URI1: variants seen among roughly 807,000 people sequenced by gnomAD.
URI1 encodes URI1 prefoldin like chaperone.
In URI1, 39 loss-of-function variants were observed where a neutral mutation model predicts 60.2. The observed-to-expected ratio is 0.65, with a 90% CI of 0.50 to 0.85. The LOEUF (loss-of-function observed/expected upper bound fraction) is 0.85. Ranked by LOEUF, URI1 falls within the 40% of genes least tolerant of loss-of-function variation. URI1 has a pLI of 0.00. For synonymous variants in URI1, 251 were observed against 236.8 expected, an observed-to-expected ratio of 1.06 and a Z score of -0.55; for missense variants, 691 against 665.9, an observed-to-expected ratio of 1.04 and a Z score of -0.42.
chr19:30,012,222 A>G, intron 9 of URI1, 63 bp from the exon 10 acceptor site: 1 of 1,497,276 alleles, frequency 6.7e-7, no homozygotes, highest in Admixed American at 2.4e-5. Context: ...GAAATTTTCA[A>G]AAAGTTGTTC....
In URI1 at chr19:30,005,213, A is replaced by AAT; in HGVS notation, c.368-147_368-146insTA. ...CAAAAATACACAGTATAACTTATTA[A>AAT]AAGTCCATTTAAAAGGAAAATAGTG... On this transcript the variant is annotated intron_variant, in intron 4 of 10. Coordinates refer to ENST00000392271, the MANE Select transcript of URI1 (RefSeq NM_003796.3). The AAT allele has an allele frequency of 9.3e-6, 5 of 538,992 alleles. No individual in the cohort carries two copies. In the South Asian group the frequency reaches 1.3e-4, roughly 14 times the overall value. 33.4% of individuals were successfully genotyped at this position (538,992 alleles called of 1,614,324 possible). A position where few individuals can be genotyped will look rare whatever the true frequency, so the allele number is the denominator to read the frequency against.
chr19:29,958,814 G>GCT (rs2055283878), intron 1 of URI1, among the ~76,000 whole-genome samples: 1 of 151,926 alleles, frequency 6.6e-6, no homozygotes, highest in South Asian at 2.1e-4. Flanking sequence ...ACAAAAATAA[G>GCT]CTGGGTGTGG....
upstream of URI1, among the ~76,000 whole-genome samples, chr19:29,939,978 C>A (rs1360155638): frequency 6.6e-6 from 1 of 152,156 alleles, no homozygotes; most frequent in South Asian, 2.1e-4. Flanking sequence ...ACTGACATGA[C>A]CTGATCCCCT....
At chr19:29,974,786 A>G (rs1239175913) in intron 2 of URI1, among the ~76,000 whole-genome samples, 3 of 152,020 alleles carry the variant, frequency 2.0e-5, no homozygotes. Context: ...TCCCATCTTT[A>G]TGTCCATGTG....
At chr19:29,963,534 ATGTT>A (rs1457897910) in intron 1 of URI1, among the ~76,000 whole-genome samples, 1 of 151,912 alleles carries the variant, frequency 6.6e-6, no homozygotes, top group African/African-American at 2.4e-5. Context: ...ATTAATCATT[ATGTT>A]TGTTAACACC....
intron 4 of URI1, among the ~76,000 whole-genome samples, chr19:29,990,282 A>G (rs1026896102): frequency 4.6e-5 from 7 of 152,258 alleles, no homozygotes; most frequent in African/African-American, 1.7e-4. Flanking sequence ...TGGAACCCTC[A>G]TTCATTGCTG....
At chr19:29,966,572 G>A (rs2055393893) in intron 1 of URI1, among the ~76,000 whole-genome samples, 1 of 152,100 alleles carries the variant, frequency 6.6e-6, no homozygotes, top group Admixed American at 6.6e-5. Flanking sequence ...TGTAATTTTT[G>A]TAAATTTTGT....
At chr19:29,956,589 A>G in intron 1 of URI1, 3 of 1,507,572 alleles carry the variant, frequency 2.0e-6, no homozygotes, top group Non-Finnish European at 2.8e-6. Context: ...GAGGTACTGA[A>G]CAGGCAACAC....
At chr19:29,977,331 C>A (rs2055536216) in intron 2 of URI1, among the ~76,000 whole-genome samples, 2 of 151,934 alleles carry the variant, frequency 1.3e-5, no homozygotes, top group South Asian at 2.1e-4. Context: ...AAACTGTTTT[C>A]TTGAGTTGCC....
At chr19:29,999,229 A>G (rs561462234) in intron 4 of URI1, among the ~76,000 whole-genome samples, 1 of 152,224 alleles carries the variant, frequency 6.6e-6, no homozygotes, top group South Asian at 2.1e-4. Flanking sequence ...CCAAAATGAC[A>G]GTAATACTTA....
At chr19:29,969,220 T>C (rs375509827) in intron 1 of URI1, among the ~76,000 whole-genome samples, 1 of 152,314 alleles carries the variant, frequency 6.6e-6, no homozygotes, top group East Asian at 1.9e-4. Context: ...ATTTCTCTTG[T>C]ACATTGTGAA....
intron 7 of URI1, among the ~76,000 whole-genome samples, 195 bp downstream of exon 7, chr19:30,007,833 G>A (rs2055964458): frequency 6.6e-6 from 1 of 151,958 alleles, no homozygotes; most frequent in African/African-American, 2.4e-5. Flanking sequence ...TTGTGTGTTT[G>A]TGCATATTCC....
intron 7 of URI1, among the ~76,000 whole-genome samples, chr19:30,008,726 T>C (rs2055975865): frequency 6.6e-6 from 1 of 152,106 alleles, no homozygotes; most frequent in African/African-American, 2.4e-5. Context: ...ATTGATACTA[T>C]ATTTATATTG....
intron 4 of URI1, among the ~76,000 whole-genome samples, chr19:29,987,485 A>AT (rs1263825962): frequency 6.6e-6 from 1 of 152,214 alleles, no homozygotes; most frequent in African/African-American, 2.4e-5. Context: ...TCTGGCAATG[A>AT]TAAATCTTTT....
At chr19:30,003,815 C>T (rs2055906157) in intron 4 of URI1, among the ~76,000 whole-genome samples, 1 of 151,944 alleles carries the variant, frequency 6.6e-6, no homozygotes, top group Non-Finnish European at 1.5e-5. Flanking sequence ...TTAATATTTT[C>T]CAGTCTTCTT....
At chr19:30,012,758 G>T in intron 10 of URI1, 1 of 442,368 alleles carries the variant, frequency 2.3e-6, no homozygotes, top group Non-Finnish European at 3.7e-6. Context: ...CAGCAAAATG[G>T]GAAATTTAAA....
At chr19:29,995,032 T>A (rs1032041547) in intron 4 of URI1, among the ~76,000 whole-genome samples, 1 of 152,130 alleles carries the variant, frequency 6.6e-6, no homozygotes, top group Admixed American at 6.5e-5. Context: ...TGCATCTGCC[T>A]CAGTCTCCCA....
chr19:29,981,856 G>A (rs1456296115), intron 2 of URI1, among the ~76,000 whole-genome samples: 5 of 151,806 alleles, frequency 3.3e-5, no homozygotes, highest in East Asian at 1.9e-4. Flanking sequence ...AATTAATTAC[G>A]TTTCTAATTA....
At chr19:30,012,221 A>C in intron 9 of URI1, 64 bp from the exon 10 acceptor site, 1 of 1,496,532 alleles carries the variant, frequency 6.7e-7, no homozygotes, top group African/African-American at 1.4e-5. Flanking sequence ...GGAAATTTTC[A>C]AAAAGTTGTT....
Sources: gnomAD v4.1 joint callset for allele counts (sites outside exome capture counted in the v4.1 genomes callset) on GRCh38, gnomAD v4.1.1 for gene constraint, MANE v1.5 for transcripts, NCBI Gene and HGNC (gene_info 2026-07-23, HGNC 2026-07-21) for gene names.